Variants in NF2 observed in about 807,000 individuals in gnomAD.
The protein encoded by NF2 is NF2, moesin-ezrin-radixin like (MERLIN) tumor suppressor.
NF2 carries 8 observed loss-of-function variants against 83.7 expected under a neutral mutation model. The ratio of observed to expected loss-of-function variants is 0.10; its 90% confidence interval spans 0.06 to 0.17. The LOEUF (loss-of-function observed/expected upper bound fraction) is 0.17, where lower values mean the gene tolerates loss of function less well. NF2 is among the 10% of genes least tolerant of loss of function. The pLI, the probability that NF2 is intolerant of heterozygous loss-of-function variation, is 1.00. For missense variants in NF2, 533 were observed against 744.4 expected (o/e 0.72, Z 3.31); for synonymous variants, 266 against 269.6 (o/e 0.99, Z 0.13).
At chr22:29,658,056 G>T in intron 6 of NF2, 133 bp from the exon 7 acceptor site, 1 of 761,248 alleles carries the variant, frequency 1.3e-6, no homozygotes, top group Non-Finnish European at 2.3e-6. Context: ...GCTGGTGTCT[G>T]CTGTGGCTTT....
chr22:29,613,157 A>C (rs891548206), intron 1 of NF2, among the ~76,000 whole-genome samples: 16 of 152,294 alleles, frequency 1.1e-4, no homozygotes, highest in African/African-American at 3.8e-4. Flanking sequence ...CAAGGGACCC[A>C]CAATAGCTAA....
intron 15 of NF2, among the ~76,000 whole-genome samples, chr22:29,685,320 C>T (rs1442373307): frequency 6.6e-6 from 1 of 151,962 alleles, no homozygotes; most frequent in African/African-American, 2.4e-5. Flanking sequence ...GTTGCCCAGG[C>T]TGGTCTCGAA....
At chr22:29,667,128 A>G (rs2066646308) in intron 9 of NF2, among the ~76,000 whole-genome samples, 1 of 152,230 alleles carries the variant, frequency 6.6e-6, no homozygotes, top group African/African-American at 2.4e-5. Context: ...CAGACCCAAC[A>G]GTAGTGGGTG....
rs2067572690 is a variant in NF2, at chr22:29,697,066, C to A, written c.*2264C>A. 5.2e-6 allele frequency: 1 copy of A among 192,360 alleles called. No individual in the cohort carries two copies. Among genetic ancestry groups the A allele is most frequent in the African/African-American group, 2.3e-5 (1 of 42,974 alleles). 11.9% of individuals were successfully genotyped at this position (192,360 alleles called of 1,614,324 possible). A position where few individuals can be genotyped will look rare whatever the true frequency, so the allele number is the denominator to read the frequency against. On this transcript the variant is annotated 3_prime_UTR_variant, in exon 16 of 16. Transcript: ENST00000338641. The stretch of plus-strand genomic sequence containing the variant: ...TCCTGACCTCAGGTGATCCTCCCAC[C>A]CCGGCTTCCCAAAGTTCTGGGATTA...
At chr22:29,660,692 A>C (rs1022867514) in intron 7 of NF2, among the ~76,000 whole-genome samples, 38 of 152,254 alleles carry the variant, frequency 2.5e-4, no homozygotes, top group African/African-American at 9.1e-4. Context: ...CCTCCTGAGT[A>C]GCTGGGATTA....
chr22:29,660,665 C>T (rs1488590299), intron 7 of NF2, among the ~76,000 whole-genome samples: 2 of 152,210 alleles, frequency 1.3e-5, no homozygotes, highest in Non-Finnish European at 2.9e-5. Flanking sequence ...CTGGGTTCAA[C>T]CAGTTCTCCT....
intron 15 of NF2, among the ~76,000 whole-genome samples, chr22:29,687,388 T>C (rs2067296269): frequency 6.6e-6 from 1 of 152,206 alleles, no homozygotes; most frequent in Non-Finnish European, 1.5e-5. Context: ...AAGTCCAATG[T>C]CATCTTCAAT....
At chr22:29,678,548 A>C (rs1164996775) in intron 14 of NF2, among the ~76,000 whole-genome samples, 4 of 152,162 alleles carry the variant, frequency 2.6e-5, no homozygotes, top group Non-Finnish European at 5.9e-5. Flanking sequence ...ATTTTTATCC[A>C]GGATAAAAAT....
chr22:29,657,018 A>G (rs549364289), intron 6 of NF2, among the ~76,000 whole-genome samples: 133 of 151,424 alleles, frequency 8.8e-4, no homozygotes, highest in African/African-American at 3.2e-3. Context: ...GTTTCCTAAC[A>G]CTTTTTTTTT....
intron 1 of NF2, among the ~76,000 whole-genome samples, chr22:29,626,149 C>T (rs2065360953): frequency 6.8e-6 from 1 of 147,308 alleles, no homozygotes; most frequent in African/African-American, 2.5e-5. Context: ...CATCCATCTG[C>T]AGACTTTTTT....
chr22:29,625,934 T>G (rs558932278), intron 1 of NF2, among the ~76,000 whole-genome samples: 1 of 152,332 alleles, frequency 6.6e-6, no homozygotes, highest in African/African-American at 2.4e-5. Context: ...ACCTTGCCTG[T>G]TTTAGTCTTC....
intron 7 of NF2, among the ~76,000 whole-genome samples, chr22:29,658,778 G>A (rs2066392677): frequency 6.6e-6 from 1 of 152,116 alleles, no homozygotes; most frequent in Non-Finnish European, 1.5e-5. Context: ...TCTGCAGGGA[G>A]AGGCATTTGT....
intron 4 of NF2, among the ~76,000 whole-genome samples, chr22:29,648,229 G>A (rs1423699881): frequency 6.6e-6 from 1 of 151,732 alleles, no homozygotes; most frequent in Non-Finnish European, 1.5e-5. Flanking sequence ...CAGAAGAGGT[G>A]AACCCCAATA....
chr22:29,657,965 T>C (rs576475516), intron 6 of NF2, among the ~76,000 whole-genome samples: 10 of 152,220 alleles, frequency 6.6e-5, no homozygotes, highest in Non-Finnish European at 1.3e-4. Context: ...ATGAGTCTGT[T>C]CTCTGACTAT....
intron 15 of NF2, chr22:29,683,759 C>T: frequency 9.4e-7 from 1 of 1,064,596 alleles, no homozygotes; most frequent in Non-Finnish European, 1.1e-6. Flanking sequence ...TGGAACAGTA[C>T]ACTCACGGCA....
intron 10 of NF2, among the ~76,000 whole-genome samples, chr22:29,669,079 A>G (rs1388778749): frequency 1.3e-5 from 2 of 152,248 alleles, no homozygotes; most frequent in Non-Finnish European, 2.9e-5. Flanking sequence ...TACTAGATAG[A>G]GTAGCAGCAG....
intron 10 of NF2, among the ~76,000 whole-genome samples, chr22:29,668,720 A>G (rs142268311): frequency 1.3e-5 from 2 of 152,366 alleles, no homozygotes; most frequent in East Asian, 3.9e-4. Flanking sequence ...TTGGGATGAA[A>G]TAGCCAAGAG....
chr22:29,664,684 A>C (rs2066568477), intron 8 of NF2, among the ~76,000 whole-genome samples: 1 of 152,218 alleles, frequency 6.6e-6, no homozygotes, highest in Non-Finnish European at 1.5e-5. Context: ...CGACTACAGT[A>C]GCCCTCCAGT....
chr22:29,696,207 G>A lies in NF2; in HGVS notation c.*1405G>A, dbSNP rs759790063. The A allele has an allele frequency of 4.6e-6, 1 of 218,570 alleles. No individual in the cohort carries two copies. The highest frequency in any genetic ancestry group is 9.2e-6 in the Non-Finnish European group (1 of 109,154). 13.5% of individuals were successfully genotyped at this position (218,570 alleles called of 1,614,324 possible). On this transcript the variant is annotated 3_prime_UTR_variant, in exon 16 of 16. Transcript: ENST00000338641. ...TCCTGCCTCAGCCTCCCAAGTAGCT[G>A]GGACTACAGGCATGCACCACCACAC...
Sources: allele counts gnomAD v4.1 joint callset (sites outside exome capture counted in the v4.1 genomes callset), GRCh38; gene constraint gnomAD v4.1.1; transcripts MANE v1.5; gene names NCBI Gene and HGNC (gene_info 2026-07-23, HGNC 2026-07-21).